The following SLC17A1 variants were observed in gnomAD, a reference collection of about 807,000 sequenced individuals.
SLC17A1 encodes the protein sodium-dependent phosphate transport protein 1.
Under a neutral mutation model 53.5 loss-of-function variants are expected in SLC17A1, and 51 were observed. That is an observed-to-expected ratio of 0.95 (90% CI 0.76 to 1.20). SLC17A1 has a LOEUF of 1.20. Ranked by LOEUF, SLC17A1 falls within the 50% of genes most tolerant of loss-of-function variation. The pLI is 0.00. For missense variants in SLC17A1, 538 were observed against 568.2 expected, an observed-to-expected ratio of 0.95 and a Z score of 0.54; for synonymous variants, 179 against 198.8, an observed-to-expected ratio of 0.90 and a Z score of 0.84.
the SLC17A1 span, among the ~76,000 whole-genome samples, chr6:25,729,442 A>G: frequency 6.6e-6 from 1 of 152,196 alleles, no homozygotes; most frequent in African/African-American, 2.4e-5. Context: ...TAAAGGCAGG[A>G]AGAGTCAGTC....
At chr6:25,806,247 G>A in intron 10 of SLC17A1, among the ~76,000 whole-genome samples, 1 of 151,886 alleles carries the variant, frequency 6.6e-6, no homozygotes, top group East Asian at 1.9e-4. Flanking sequence ...CAATAAATGT[G>A]ATATATAACA....
chr6:25,831,656 C>CCA (rs148712224), intron 1 of SLC17A1, among the ~76,000 whole-genome samples: 1 of 151,718 alleles, frequency 6.6e-6, no homozygotes, highest in Non-Finnish European at 1.5e-5. Flanking sequence ...ACACACATAA[C>CCA]CACACACACA....
downstream of SLC17A1, chr6:25,779,475 A>C (rs1161358920): frequency 3.4e-6 from 1 of 298,272 alleles, no homozygotes; most frequent in African/African-American, 2.2e-5. Flanking sequence ...TTCCAAAGCA[A>C]AAGAGGAAGC....
chr6:25,798,421 T>G, intron 12 of SLC17A1, among the ~76,000 whole-genome samples: 1 of 152,242 alleles, frequency 6.6e-6, no homozygotes, highest in South Asian at 2.1e-4. Context: ...ATGTAATGTC[T>G]TGATATTATA....
At chr6:25,744,746 C>T in the SLC17A1 span, among the ~76,000 whole-genome samples, 1 of 152,052 alleles carries the variant, frequency 6.6e-6, no homozygotes, top group Non-Finnish European at 1.5e-5. Flanking sequence ...ATTCTTACAC[C>T]ATGGAAATCA....
At chr6:25,800,370 CT>C (rs1205018743) in intron 11 of SLC17A1, among the ~76,000 whole-genome samples, 1 of 151,904 alleles carries the variant, frequency 6.6e-6, no homozygotes, top group Admixed American at 6.6e-5. Context: ...TTTTGCTTTA[CT>C]TTTTTTGCAG....
the SLC17A1 span, among the ~76,000 whole-genome samples, chr6:25,725,867 C>T: frequency 2.6e-5 from 4 of 152,156 alleles, no homozygotes; most frequent in African/African-American, 9.7e-5. Context: ...ACTGACTGCT[C>T]ACAAGCGTTA....
intron 8 of SLC17A1, among the ~76,000 whole-genome samples, chr6:25,812,165 C>T (rs1764180268): frequency 6.6e-6 from 1 of 152,152 alleles, no homozygotes; most frequent in Non-Finnish European, 1.5e-5. Context: ...TTCAGGGTTT[C>T]ATGAAGTATA....
chr6:25,726,673 A>G, the SLC17A1 span: 1 of 1,160,484 alleles, frequency 8.6e-7, no homozygotes. Flanking sequence ...GAATCGCCTC[A>G]TTTGCATTCA....
the SLC17A1 span, chr6:25,768,848 A>G: frequency 3.7e-6 from 3 of 802,320 alleles, no homozygotes; most frequent in Admixed American, 6.9e-5. Context: ...AAATTCCACT[A>G]CACACCTACA....
At chr6:25,759,504 G>A in the SLC17A1 span, among the ~76,000 whole-genome samples, 1 of 152,054 alleles carries the variant, frequency 6.6e-6, no homozygotes, top group Non-Finnish European at 1.5e-5. Context: ...TATATATTTA[G>A]GATTGTGATA....
chr6:25,826,570 A>G lies in SLC17A1; in HGVS notation c.98T>C (p.Ile33Thr), dbSNP rs1764750412. ...SFLVHCCNVI[I>T]TAQRACLNLT... is the part of the protein sequence containing the mutation. ...GTTCAGGCACGCACGCTGTGCTGTT[A>G]TTATAACATTACAACAGTGCACAAG... The change falls in exon 3 of 13, where the codon ATA becomes ACA. Residue 33 changes from isoleucine to threonine, a missense_variant. By Grantham distance (89) the Ile-to-Thr change is moderately conservative. Coordinates refer to ENST00000244527, the MANE Select transcript of SLC17A1 (RefSeq NM_005074.5). 6.2e-7 allele frequency: 1 copy of G among 1,611,688 alleles called. No individual in the cohort carries two copies. The highest frequency in any genetic ancestry group is 8.5e-7 in the Non-Finnish European group (1 of 1,178,432).
chr6:25,735,626 T>C, the SLC17A1 span, among the ~76,000 whole-genome samples: 1 of 152,078 alleles, frequency 6.6e-6, no homozygotes, highest in Non-Finnish European at 1.5e-5. Flanking sequence ...ATGACCAAAG[T>C]CACAGTTAGG....
Position 25,808,154 on chromosome 6 carries a change from C to G in SLC17A1, c.1178+3244G>C, listed in dbSNP as rs576388476. Among the ~76,000 whole-genome samples the G allele has an allele frequency of 3.3e-5, 5 of 152,066 alleles. No individual in the cohort carries two copies. In the South Asian group the frequency reaches 8.3e-4, roughly 25 times the overall value. ...TTATTATTTTGTTTTTTAATTATGGCCATTCTTGCAGGAGTAAGGTGGTAT... is the reference window on the plus strand; with the variant it reads ...TTATTATTTTGTTTTTTAATTATGGGCATTCTTGCAGGAGTAAGGTGGTAT... On this transcript the variant is annotated intron_variant, in intron 10 of 12. Coordinates refer to ENST00000244527, the MANE Select transcript of SLC17A1 (RefSeq NM_005074.5).
the SLC17A1 span, among the ~76,000 whole-genome samples, chr6:25,743,383 G>A: frequency 6.6e-6 from 1 of 152,128 alleles, no homozygotes; most frequent in Non-Finnish European, 1.5e-5. Flanking sequence ...GTTCTCTGAT[G>A]ATACATTCTT....
At chr6:25,784,155 G>C (rs1459400006) in intron 12 of SLC17A1, among the ~76,000 whole-genome samples, 1 of 152,106 alleles carries the variant, frequency 6.6e-6, no homozygotes, top group Non-Finnish European at 1.5e-5. Context: ...GGGTTTTCCA[G>C]TGGAAACAGC....
At chr6:25,767,015 G>C in the SLC17A1 span, among the ~76,000 whole-genome samples, 1 of 152,158 alleles carries the variant, frequency 6.6e-6, no homozygotes, top group East Asian at 1.9e-4. Context: ...TGCAACAAAT[G>C]CACCATAAGA....
the SLC17A1 span, chr6:25,768,457 A>G: frequency 1.1e-6 from 1 of 871,408 alleles, no homozygotes; most frequent in Non-Finnish European, 1.4e-6. Context: ...TTATAGTATT[A>G]AGATGAAGTT....
At chr6:25,759,035 A>C in the SLC17A1 span, among the ~76,000 whole-genome samples, 1 of 152,144 alleles carries the variant, frequency 6.6e-6, no homozygotes, top group East Asian at 1.9e-4. Flanking sequence ...TTTAATTTTC[A>C]TCTTGATTTC....
Sources: gnomAD v4.1 joint callset for allele counts (sites outside exome capture counted in the v4.1 genomes callset) on GRCh38, gnomAD v4.1.1 for gene constraint, MANE v1.5 for transcripts, NCBI Gene and HGNC (gene_info 2026-07-23, HGNC 2026-07-21) for gene names.